PRKCE: variants seen among roughly 807,000 people sequenced by gnomAD.
PRKCE encodes the protein protein kinase C epsilon.
PRKCE carries 16 observed loss-of-function variants against 85.4 expected under a neutral mutation model. That is an observed-to-expected ratio of 0.19 (90% CI 0.13 to 0.28). PRKCE has a LOEUF of 0.28. Ranked by LOEUF, PRKCE falls within the 10% of genes least tolerant of loss-of-function variation. PRKCE has a pLI of 1.00. For missense variants in PRKCE, 573 were observed against 975.2 expected (o/e 0.59, Z 5.49); for synonymous variants, 388 against 371.5 (o/e 1.04, Z -0.51).
intron 2 of PRKCE, among the ~76,000 whole-genome samples, chr2:45,971,725 C>T (rs576249124): frequency 1.0e-3 from 154 of 152,326 alleles, no homozygotes; most frequent in Middle Eastern, 6.8e-3. Context: ...AAGTAAAAAT[C>T]ACCTGTAATT....
At chr2:46,026,114 C>T (rs775125450) in intron 10 of PRKCE, among the ~76,000 whole-genome samples, 14 of 152,198 alleles carry the variant, frequency 9.2e-5, no homozygotes, top group Non-Finnish European at 1.8e-4. Context: ...CTTGAAGACA[C>T]TATTGAGCAT....
chr2:46,048,895 T>A (rs993430885), intron 10 of PRKCE, among the ~76,000 whole-genome samples: 1 of 152,168 alleles, frequency 6.6e-6, no homozygotes, highest in Non-Finnish European at 1.5e-5. Context: ...CTCTGCACTT[T>A]CCTATAGCTC....
chr2:45,952,214 A>C (rs963315567), intron 2 of PRKCE, among the ~76,000 whole-genome samples: 1 of 152,204 alleles, frequency 6.6e-6, no homozygotes, highest in African/African-American at 2.4e-5. Flanking sequence ...TAGATAAACA[A>C]CTGAAGCCCA....
intron 1 of PRKCE, among the ~76,000 whole-genome samples, chr2:45,757,783 A>G (rs1436924246): frequency 6.6e-6 from 1 of 152,214 alleles, no homozygotes; most frequent in African/African-American, 2.4e-5. Context: ...GAATTCATTC[A>G]TTTCATTGGA....
intron 1 of PRKCE, among the ~76,000 whole-genome samples, chr2:45,832,087 C>T (rs1573532816): frequency 1.3e-5 from 2 of 152,184 alleles, no homozygotes; most frequent in East Asian, 3.9e-4. Context: ...TCCAACTAAA[C>T]AATGAAAAGC....
intron 1 of PRKCE, among the ~76,000 whole-genome samples, chr2:45,836,667 C>T (rs1690904691): frequency 1.3e-5 from 2 of 152,200 alleles, no homozygotes; most frequent in East Asian, 1.9e-4. Context: ...AGTGGGCCCC[C>T]TGCTTTGGGA....
At chr2:45,865,748 G>A (rs1012372565) in intron 2 of PRKCE, among the ~76,000 whole-genome samples, 3 of 151,612 alleles carry the variant, frequency 2.0e-5, no homozygotes, top group South Asian at 4.2e-4. Flanking sequence ...AACTGAACCT[G>A]CCAGTGCCCT....
intron 1 of PRKCE, among the ~76,000 whole-genome samples, chr2:45,820,791 G>T (rs938421531): frequency 1.3e-5 from 2 of 152,078 alleles, no homozygotes; most frequent in Non-Finnish European, 2.9e-5. Context: ...CATTGTCCCT[G>T]CAAGAGTTTA....
intron 2 of PRKCE, among the ~76,000 whole-genome samples, chr2:45,954,079 A>G (rs1057088974): frequency 5.3e-5 from 8 of 152,282 alleles, no homozygotes; most frequent in African/African-American, 1.9e-4. Flanking sequence ...CTATAAATCT[A>G]CTGGCCAGTT....
chr2:46,057,594 C>T (rs763853347), intron 10 of PRKCE, among the ~76,000 whole-genome samples: 16 of 152,024 alleles, frequency 1.1e-4, no homozygotes, highest in East Asian at 3.9e-4. Context: ...CCACCATGCC[C>T]GGCTGATTTT....
chr2:45,802,799 C>G (rs373333743), intron 1 of PRKCE, among the ~76,000 whole-genome samples: 2 of 152,184 alleles, frequency 1.3e-5, no homozygotes, highest in Non-Finnish European at 2.9e-5. Context: ...GAATTAAGAT[C>G]GGTGGACATA....
intron 1 of PRKCE, among the ~76,000 whole-genome samples, chr2:45,698,557 A>T (rs1431247907): frequency 6.6e-6 from 1 of 151,730 alleles, no homozygotes; most frequent in Admixed American, 6.6e-5. Flanking sequence ...GTTGCAAACA[A>T]CAGTGAGCAC....
chr2:45,889,926 A>G (rs1296592666), intron 2 of PRKCE, among the ~76,000 whole-genome samples: 2 of 152,154 alleles, frequency 1.3e-5, no homozygotes, highest in Non-Finnish European at 2.9e-5. Flanking sequence ...TGTGCTCTTT[A>G]GGCTCAAATC....
At chr2:45,867,903 AAG>A in intron 2 of PRKCE, among the ~76,000 whole-genome samples, 1 of 152,174 alleles carries the variant, frequency 6.6e-6, no homozygotes. Context: ...GCCCCTTGGG[AAG>A]CCCCCAGGTC....
intron 2 of PRKCE, among the ~76,000 whole-genome samples, chr2:45,940,153 C>G (rs1209310826): frequency 1.3e-5 from 2 of 152,202 alleles, no homozygotes; most frequent in Non-Finnish European, 1.5e-5. Flanking sequence ...TCCCTCAGAC[C>G]TCTTTTCCAG....
intron 2 of PRKCE, among the ~76,000 whole-genome samples, chr2:45,914,872 A>T (rs1007969532): frequency 6.6e-6 from 1 of 152,166 alleles, no homozygotes; most frequent in African/African-American, 2.4e-5. Flanking sequence ...TTTCCCACAA[A>T]ACCCCACTTT....
At chr2:46,026,948 G>T (rs1361119550) in intron 10 of PRKCE, among the ~76,000 whole-genome samples, 3 of 152,224 alleles carry the variant, frequency 2.0e-5, no homozygotes, top group African/African-American at 4.8e-5. Flanking sequence ...AACATTGGGA[G>T]GCCAAGGCAG....
At chr2:45,984,752 T>C in intron 6 of PRKCE, 72 bp downstream of exon 6, 2 of 1,537,120 alleles carry the variant, frequency 1.3e-6, no homozygotes, top group Non-Finnish European at 1.7e-6. Context: ...ATCCCTGCTT[T>C]ATAAAAAACC....
In PRKCE at chr2:45,991,823, C is replaced by T. The variant is rs769300908; in HGVS notation, c.823+7143C>T. Among the ~76,000 whole-genome samples, 4 of 152,284 alleles carry T rather than the reference C, an allele frequency of 2.6e-5. No homozygotes were observed. The East Asian group carries it at 5.8e-4, about 22-fold the overall frequency. On this transcript the variant is annotated intron_variant, in intron 6 of 14. Transcript: ENST00000306156. ...AAAGTCAAGCCATGTTAATGGACTG[C>T]TTTACCTTCCTTTTCATTGACGTTT...
Sources: allele counts gnomAD v4.1 joint callset (sites outside exome capture counted in the v4.1 genomes callset), GRCh38; gene constraint gnomAD v4.1.1; transcripts MANE v1.5; gene names NCBI Gene and HGNC (gene_info 2026-07-23, HGNC 2026-07-21).